TFIP11: variants seen among roughly 807,000 people sequenced by gnomAD.
TFIP11 encodes tuftelin interacting protein 11, also known as tuftelin-interacting protein 11.
TFIP11 carries 86 observed loss-of-function variants against 96.8 expected under a neutral mutation model. The ratio of observed to expected loss-of-function variants is 0.89; its 90% CI spans 0.75 to 1.06. TFIP11 has a LOEUF of 1.06. Ranked by LOEUF, TFIP11 falls within the 50% of genes least tolerant of loss-of-function variation. TFIP11 has a pLI of 0.00. For synonymous variants in TFIP11, 405 were observed against 395.2 expected, an observed-to-expected ratio of 1.02 and a Z score of -0.29; for missense variants, 881 against 1,076.7, an observed-to-expected ratio of 0.82 and a Z score of 2.54.
At chr22:26,511,130 G>A (rs948589526) in intron 2 of TFIP11, 1 of 152,250 alleles carries the variant, frequency 6.6e-6, no homozygotes, top group African/African-American at 2.4e-5. Context: ...CGATCAAAAG[G>A]TCCCACAATA....
intron 14 of TFIP11, chr22:26,493,809 A>T: frequency 3.5e-6 from 1 of 289,100 alleles, no homozygotes; most frequent in South Asian, 3.9e-5. Context: ...TCACCTAAGC[A>T]GCATGCTCAG....
At chr22:26,506,181 G>T in intron 6 of TFIP11, 122 bp downstream of exon 6, 1 of 1,109,960 alleles carries the variant, frequency 9.0e-7, no homozygotes, top group East Asian at 2.6e-5. Context: ...GTCTTGTGCT[G>T]GCAAACCAGG....
At position 26,506,871 on chromosome 22, in the gene TFIP11, TG is replaced by T; in HGVS notation, c.266del (p.Ala89GlufsTer31). On this transcript the variant is annotated frameshift_variant, in exon 5 of 15. Transcript: ENST00000407690. LOFTEE classifies it high-confidence loss of function. ...NFISAGLKKGAAEEAELEDSD... is the reference protein window; with the variant it reads ...NFISAGLKKGXAEEAELEDSD... The stretch of plus-strand genomic sequence containing the variant: ...AATCTTCCAACTCTGCCTCCTCCGC[TG>T]CCCCTTTCTTGAGCCCTGCGCTGAT... The T allele has an allele frequency of 1.2e-6, 2 of 1,614,194 alleles. No individual in the cohort carries two copies. Among genetic ancestry groups the T allele is most frequent in the Non-Finnish European group, 1.7e-6 (2 of 1,180,032 alleles).
Position 26,498,913 on chromosome 22 carries a change from G to A in TFIP11, c.1392C>T (p.Leu464=), listed in dbSNP as rs17402286. ...AGAGGTCCTGTCCGCCATGGGACAA[G>A]AGCTGGTCATTCTCTAGGAGGCTTT... ...KWKSLLENDQ[L]LSHGGQDLSA... is the part of the protein sequence containing the mutation. The change falls in exon 10 of 15, where the codon CTC becomes CTT. Residue 464 remains leucine (L), a synonymous_variant. Transcript: ENST00000407690. 71,436 of 1,613,828 alleles carry A rather than the reference G, an allele frequency of 0.044. 1,934 individuals are homozygous for A. The highest frequency in any genetic ancestry group is 0.053 in the Non-Finnish European group (62,513 of 1,179,882).
intron 7 of TFIP11, among the ~76,000 whole-genome samples, chr22:26,502,413 G>A (rs896687446): frequency 1.9e-4 from 29 of 152,236 alleles, no homozygotes; most frequent in African/African-American, 6.5e-4. Flanking sequence ...GATTTTTTAA[G>A]CACACAAAAC....
chr22:26,495,952 G>A (rs1166817759), intron 12 of TFIP11, 121 bp downstream of exon 12: 2 of 1,388,370 alleles, frequency 1.4e-6, no homozygotes, highest in African/African-American at 1.4e-5. Context: ...TCACAGCAAG[G>A]AATATTGTGT....
chr22:26,511,530 CTG>C (rs141871005), intron 2 of TFIP11, among the ~76,000 whole-genome samples: 13 of 152,316 alleles, frequency 8.5e-5, no homozygotes, highest in African/African-American at 2.9e-4. Context: ...AGCAAAGTGA[CTG>C]TAAAATCAGG....
chr22:26,510,202 A>G lies in TFIP11; in HGVS notation c.71T>C (p.Phe24Ser), dbSNP rs995586830. Reference sequence around the variant, plus strand: ...CTGGAGATCCCAGTCAGTGATCTCAAAGTTCTCCCGCTCGTCATCATCATC... The same window carrying G: ...CTGGAGATCCCAGTCAGTGATCTCAGAGTTCTCCCGCTCGTCATCATCATC... The part of the protein sequence containing the change: ...IDDDDDEREN[F>S]EITDWDLQNE... The change falls in exon 4 of 15, where the codon TTT becomes TCT. Residue 24 changes from phenylalanine to serine, a missense_variant. Transcript: ENST00000407690. The G allele has an allele frequency of 1.9e-6, 3 of 1,614,150 alleles. No homozygotes were observed. Among genetic ancestry groups the G allele is most frequent in the Non-Finnish European group, 2.5e-6 (3 of 1,180,034 alleles).
rs1464757312 is a variant in TFIP11, at chr22:26,499,531, T to G, written c.902A>C (p.Gln301Pro). 6.2e-7 allele frequency: 1 copy of G among 1,614,226 alleles called. No individual in the cohort carries two copies. The highest frequency in any genetic ancestry group is 1.7e-5 in the Admixed American group (1 of 60,026). Residue 301 changes from glutamine to proline, a missense_variant, in exon 9 of 15, where the codon CAA becomes CCA. Gln to Pro is a moderately conservative substitution (Grantham distance 76, BLOSUM62 -1). Coordinates refer to ENST00000407690, the MANE Select transcript of TFIP11 (RefSeq NM_012143.4). Reference protein sequence around the residue: ...VPDDGLPLQSQQLPQSGKEAK... With the variant: ...VPDDGLPLQSPQLPQSGKEAK... ...CTCTTTGCCAGACTGTGGCAGCTGT[T>G]GGGACTGTAGCGGCAGCCCATCATC...
At chr22:26,500,878 CTTTTTTTTTTTT>C (rs397958538) in intron 8 of TFIP11, among the ~76,000 whole-genome samples, 1 of 102,060 alleles carries the variant, frequency 9.8e-6, no homozygotes, top group African/African-American at 3.8e-5. Context: ...TAACGGAAAA[CTTTTTTTTTTTT>C]TTTTTTTTTT....
At position 26,506,650 on chromosome 22, in the gene TFIP11, C is replaced by G. The variant is rs1447435292; in HGVS notation, c.363+125G>C. 8 of 1,383,452 alleles carry G rather than the reference C, an allele frequency of 5.8e-6. No individual in the cohort carries two copies. In the African/African-American group the frequency reaches 1.0e-4, roughly 17 times the overall value. The allele number at this position is 1,383,452 out of a possible 1,614,324, so 85.7% of individuals were successfully genotyped here. On this transcript the variant is annotated intron_variant, in intron 5 of 14. Coordinates refer to ENST00000407690, the MANE Select transcript of TFIP11 (RefSeq NM_012143.4). Reference sequence around the variant, plus strand: ...TACACACTTCACAACTCACAGAAACCTGCCACCAAAAGGAGACACTCACGA... The same window carrying G: ...TACACACTTCACAACTCACAGAAACGTGCCACCAAAAGGAGACACTCACGA...
intron 7 of TFIP11, 25 bp from the exon 8 acceptor site, chr22:26,502,077 T>C (rs765441777): frequency 2.5e-6 from 4 of 1,614,034 alleles, no homozygotes; most frequent in Admixed American, 3.3e-5. Flanking sequence ...TACAGTCAGA[T>C]GCAGCAAGGA....
chr22:26,503,807 G>GA lies in TFIP11; in HGVS notation c.521-15_521-14insT. On this transcript the variant is annotated splice_polypyrimidine_tract_variant and intron_variant, in intron 6 of 14. Transcript: ENST00000407690. Reference sequence around the variant, plus strand: ...GGTTAATGATACCTGAGGAATTTCAGCAAAAAAAAAAGAGAGTCTTACGAT... The same window carrying GA: ...GGTTAATGATACCTGAGGAATTTCAGACAAAAAAAAAAGAGAGTCTTACGAT... The GA allele has an allele frequency of 3.8e-6, 6 of 1,587,262 alleles. No homozygotes were observed. The highest frequency in any genetic ancestry group is 3.5e-5 in the South Asian group (3 of 86,158).
Position 26,496,123 on chromosome 22 carries a change from G to T in TFIP11, c.1799C>A (p.Thr600Asn). The stretch of plus-strand genomic sequence containing the variant: ...CATGAATGCTTCCCAGGAGCCAGGA[G>T]TGAAGACATCCTTCCAGGGCTGGAG... ...LILQPWKDVF[T>N]PGSWEAFMVK... Residue 600 changes from threonine (T) to asparagine (N), a missense_variant, in exon 12 of 15, where the codon ACT (threonine) becomes AAT (asparagine). Physicochemically the swap from Thr to Asn is moderately conservative, Grantham distance 65. Transcript: ENST00000407690. 1 of 1,614,006 alleles carries T rather than the reference G, an allele frequency of 6.2e-7. No individual in the cohort carries two copies. The highest frequency in any genetic ancestry group is 8.5e-7 in the Non-Finnish European group (1 of 1,180,046).
In TFIP11 at chr22:26,493,997, TGA is replaced by T. The variant is rs1425243049; in HGVS notation, c.2158+140_2158+141del. The T allele has an allele frequency of 3.3e-4, 292 of 872,126 alleles. 7 individuals carry two copies. In the East Asian group the frequency reaches 7.8e-3, roughly 23 times the overall value. The allele number at this position is 872,126 out of a possible 1,614,324, so 54.0% of individuals were successfully genotyped here. ...TGACCATGTACCCCAGTCAGCAGGG[TGA>T]GAGTCTGTTGCTATGTGCAAAAGTG... On this transcript the variant is annotated intron_variant, in intron 14 of 14. Transcript: ENST00000407690.
At chr22:26,502,670 C>T (rs1922936959) in intron 7 of TFIP11, among the ~76,000 whole-genome samples, 3 of 152,194 alleles carry the variant, frequency 2.0e-5, no homozygotes, top group Admixed American at 2.0e-4. Flanking sequence ...ATGTTTTTCT[C>T]ATACTGGTTA....
intron 12 of TFIP11, 37 bp from the exon 13 acceptor site, chr22:26,494,976 G>GTAC (rs1391040430): frequency 6.2e-7 from 1 of 1,611,554 alleles, no homozygotes; most frequent in Non-Finnish European, 8.5e-7. Context: ...CACAGCTTTA[G>GTAC]TACTGGCAAA....
chr22:26,496,026 G>A, intron 12 of TFIP11, 47 bp downstream of exon 12: 1 of 1,594,394 alleles, frequency 6.3e-7, no homozygotes, highest in Non-Finnish European at 8.6e-7. Context: ...ACAGAAACCA[G>A]GGCACCAAAG....
intron 7 of TFIP11, among the ~76,000 whole-genome samples, chr22:26,503,184 T>C (rs989741099): frequency 6.6e-6 from 1 of 152,178 alleles, no homozygotes; most frequent in African/African-American, 2.4e-5. Context: ...GGCTGTCTTG[T>C]GGACCACCCA....
Sources: gnomAD v4.1 joint callset for allele counts (sites outside exome capture counted in the v4.1 genomes callset) on GRCh38, gnomAD v4.1.1 for gene constraint, MANE v1.5 for transcripts, NCBI Gene and HGNC (gene_info 2026-07-23, HGNC 2026-07-21) for gene names.